CAMK2D: variants seen among roughly 807,000 people sequenced by gnomAD.
CAMK2D encodes the protein calcium/calmodulin dependent protein kinase II delta, also known as calcium/calmodulin-dependent protein kinase type II subunit delta.
In CAMK2D, 37 loss-of-function variants were observed where a neutral mutation model predicts 84.0. That is an observed-to-expected ratio of 0.44 (90% CI 0.34 to 0.58). CAMK2D has a LOEUF of 0.58. Ranked by LOEUF, CAMK2D falls within the 20% of genes least tolerant of loss-of-function variation. The pLI is 0.02. For missense variants in CAMK2D, 448 were observed against 652.5 expected (o/e 0.69, Z 3.41); for synonymous variants, 202 against 212.5 (o/e 0.95, Z 0.43).
At chr4:113,715,506 G>C (rs1001914211) in intron 2 of CAMK2D, among the ~76,000 whole-genome samples, 1 of 151,924 alleles carries the variant, frequency 6.6e-6, no homozygotes, top group African/African-American at 2.4e-5. Flanking sequence ...ATATAAATTA[G>C]ATTCAACAGT....
chr4:113,734,620 T>C (rs1396337957), intron 2 of CAMK2D, among the ~76,000 whole-genome samples: 3 of 151,154 alleles, frequency 2.0e-5, no homozygotes, highest in Non-Finnish European at 4.4e-5. Context: ...CAAGCACTAA[T>C]GCCCAAGCAG....
At chr4:113,527,083 A>C (rs1485532292) in intron 8 of CAMK2D, among the ~76,000 whole-genome samples, 1 of 151,990 alleles carries the variant, frequency 6.6e-6, no homozygotes, top group Admixed American at 6.6e-5. Context: ...AGGAAGAGTT[A>C]ACTGATGTGG....
chr4:113,524,424 CATA>C (rs1218112012), intron 8 of CAMK2D, among the ~76,000 whole-genome samples: 1 of 152,126 alleles, frequency 6.6e-6, no homozygotes, highest in African/African-American at 2.4e-5. Context: ...TTTTGCTTAG[CATA>C]ATGTCCTTGG....
At chr4:113,490,177 T>C (rs2097816930) in intron 16 of CAMK2D, among the ~76,000 whole-genome samples, 1 of 147,140 alleles carries the variant, frequency 6.8e-6, no homozygotes, top group Non-Finnish European at 1.5e-5. Flanking sequence ...TTGGCTTTTG[T>C]TGCCATTGCT....
At chr4:113,566,584 G>C (rs2098725144) in intron 4 of CAMK2D, among the ~76,000 whole-genome samples, 1 of 152,110 alleles carries the variant, frequency 6.6e-6, no homozygotes, top group Admixed American at 6.5e-5. Context: ...TGGCCTACAA[G>C]GCCTTTGAGC....
At chr4:113,735,157 G>A (rs543734400) in intron 2 of CAMK2D, among the ~76,000 whole-genome samples, 18 of 151,436 alleles carry the variant, frequency 1.2e-4, no homozygotes, top group African/African-American at 4.3e-4. Context: ...TCTGCCTTTT[G>A]CAAACTTGTA....
At chr4:113,473,652 A>T (rs2097572160) in intron 16 of CAMK2D, among the ~76,000 whole-genome samples, 1 of 152,208 alleles carries the variant, frequency 6.6e-6, no homozygotes, top group Admixed American at 6.5e-5. Context: ...TAAATAAATT[A>T]TTCAAACCAT....
chr4:113,718,996 A>G (rs2099522181), intron 2 of CAMK2D, among the ~76,000 whole-genome samples: 1 of 150,628 alleles, frequency 6.6e-6, no homozygotes, highest in Non-Finnish European at 1.5e-5. Context: ...GAAATAGATA[A>G]CAATTTAACA....
intron 12 of CAMK2D, among the ~76,000 whole-genome samples, chr4:113,510,274 T>G (rs2098193009): frequency 6.6e-6 from 1 of 152,144 alleles, no homozygotes; most frequent in African/African-American, 2.4e-5. Flanking sequence ...TAGCACATGA[T>G]CTCTAAAAAA....
At chr4:113,466,529 C>T (rs904663453) in intron 16 of CAMK2D, among the ~76,000 whole-genome samples, 10 of 152,122 alleles carry the variant, frequency 6.6e-5, no homozygotes, top group Admixed American at 1.3e-4. Context: ...GACACTGTGA[C>T]TGGCCTTTGT....
At chr4:113,721,084 C>T (rs2099529249) in intron 2 of CAMK2D, among the ~76,000 whole-genome samples, 1 of 152,070 alleles carries the variant, frequency 6.6e-6, no homozygotes, top group South Asian at 2.1e-4. Context: ...CTCACTTTAA[C>T]GCTACTTCTA....
intron 4 of CAMK2D, among the ~76,000 whole-genome samples, chr4:113,604,872 T>C (rs2098970720): frequency 6.6e-6 from 1 of 152,204 alleles, no homozygotes; most frequent in African/African-American, 2.4e-5. Flanking sequence ...TTTTAAAATA[T>C]AGATATAAAT....
intron 3 of CAMK2D, among the ~76,000 whole-genome samples, chr4:113,620,160 T>C (rs1415200814): frequency 1.3e-5 from 2 of 152,076 alleles, no homozygotes; most frequent in Admixed American, 6.6e-5. Flanking sequence ...GTGTTAACTA[T>C]GGTCTTATAA....
chr4:113,673,649 T>C (rs946356185), intron 2 of CAMK2D, among the ~76,000 whole-genome samples: 2 of 152,224 alleles, frequency 1.3e-5, no homozygotes, highest in African/African-American at 4.8e-5. Flanking sequence ...GACTCAGACT[T>C]GCCCAGTCCC....
intron 9 of CAMK2D, among the ~76,000 whole-genome samples, chr4:113,515,394 G>A (rs1277488250): frequency 1.3e-5 from 2 of 152,042 alleles, no homozygotes. Flanking sequence ...ATATTAAAGA[G>A]TATCTGATAA....
intron 4 of CAMK2D, among the ~76,000 whole-genome samples, chr4:113,569,239 T>C (rs2098740490): frequency 6.6e-6 from 1 of 152,220 alleles, no homozygotes; most frequent in South Asian, 2.1e-4. Flanking sequence ...TTAATTTTGA[T>C]GAGGTTCAAT....
At chr4:113,599,880 G>C (rs1389135917) in intron 4 of CAMK2D, among the ~76,000 whole-genome samples, 7 of 137,028 alleles carry the variant, frequency 5.1e-5, no homozygotes, top group Non-Finnish European at 1.1e-4. Flanking sequence ...GACTGAAGAG[G>C]AGGAGGAGGA....
chr4:113,458,043 T>G (rs1172163314), intron 18 of CAMK2D, among the ~76,000 whole-genome samples: 2 of 152,200 alleles, frequency 1.3e-5, no homozygotes, highest in Non-Finnish European at 2.9e-5. Flanking sequence ...AAGTTTCAGG[T>G]ATAGACATCA....
chr4:113,569,174 T>C (rs560749696), intron 4 of CAMK2D, among the ~76,000 whole-genome samples: 3 of 152,172 alleles, frequency 2.0e-5, no homozygotes, highest in Non-Finnish European at 2.9e-5. Flanking sequence ...TGAGCCACTG[T>C]GCCTAGCCCA....
Sources: allele counts gnomAD v4.1 joint callset (sites outside exome capture counted in the v4.1 genomes callset), GRCh38; gene constraint gnomAD v4.1.1; transcripts MANE v1.5; gene names NCBI Gene and HGNC (gene_info 2026-07-23, HGNC 2026-07-21).